Variants in ZMYM2 observed in about 807,000 individuals in gnomAD.
ZMYM2 encodes zinc finger MYM-type protein 2.
ZMYM2 carries 56 observed loss-of-function variants against 162.8 expected under a neutral mutation model. That is an observed-to-expected ratio of 0.34 (90% confidence interval 0.28 to 0.43). ZMYM2 has a LOEUF of 0.43. Among genes scored for constraint, ZMYM2 ranks in the 20% least tolerant of loss-of-function variants. ZMYM2 has a pLI of 1.00. For synonymous variants in ZMYM2, 510 were observed against 541.6 expected (o/e 0.94, Z 0.81); for missense variants, 1,275 against 1,621.8 (o/e 0.79, Z 3.67).
the ZMYM2 span, among the ~76,000 whole-genome samples, chr13:19,934,945 T>G: frequency 6.6e-6 from 1 of 151,948 alleles, no homozygotes; most frequent in Admixed American, 6.6e-5. Flanking sequence ...TTTTGTATTT[T>G]TAGTAGAGAC....
In ZMYM2 at chr13:19,993,391, G is replaced by A; in HGVS notation, c.319G>A (p.Ala107Thr). The stretch of plus-strand genomic sequence containing the variant: ...AATTACTCCTTCCTCAAAAGAGTTG[G>A]CATCTCAGAAGGGAAGTGTAAGTGA... ...SKITPSSKEL[A>T]SQKGSVSETI... Residue 107 changes from alanine to threonine, a missense_variant, in exon 3 of 25, where the codon GCA becomes ACA. Coordinates refer to ENST00000610343, the MANE Select transcript of ZMYM2 (RefSeq NM_197968.4). 1 of 1,613,670 alleles carries A rather than the reference G, an allele frequency of 6.2e-7. No homozygotes were observed. Among genetic ancestry groups the A allele is most frequent in the Non-Finnish European group, 8.5e-7 (1 of 1,179,826 alleles).
chr13:20,060,310 C>G (rs563679323), intron 16 of ZMYM2, among the ~76,000 whole-genome samples: 2 of 152,260 alleles, frequency 1.3e-5, no homozygotes, highest in African/African-American at 4.8e-5. Flanking sequence ...TATGTTCATC[C>G]TCGAGAGTGA....
chr13:20,024,397 T>C (rs1465861146), intron 7 of ZMYM2: 1 of 209,524 alleles, frequency 4.8e-6, no homozygotes, highest in East Asian at 7.2e-5. Context: ...GTTTGAAGAA[T>C]GTTTCAAATA....
intron 2 of ZMYM2, among the ~76,000 whole-genome samples, chr13:19,965,675 C>T (rs1955688970): frequency 2.0e-5 from 3 of 151,830 alleles, no homozygotes; most frequent in African/African-American, 4.8e-5. Context: ...TTTATTTTAT[C>T]CTCCTGTTTA....
intron 9 of ZMYM2, among the ~76,000 whole-genome samples, chr13:20,029,198 G>GGTCT (rs964902250): frequency 6.6e-6 from 1 of 152,190 alleles, no homozygotes; most frequent in African/African-American, 2.4e-5. Flanking sequence ...GTCCGTTGAA[G>GGTCT]GTCTATTCCT....
chr13:19,960,081 G>C (rs1346120653), intron 2 of ZMYM2, 55 bp downstream of exon 2: 2 of 152,278 alleles, frequency 1.3e-5, no homozygotes, highest in African/African-American at 4.8e-5. Context: ...AGGTTGTAGG[G>C]GTTAAGCTAT....
intron 4 of ZMYM2, among the ~76,000 whole-genome samples, chr13:20,004,407 C>T (rs775426023): frequency 5.3e-5 from 8 of 152,134 alleles, no homozygotes; most frequent in African/African-American, 1.2e-4. Flanking sequence ...AGGTGCCTGC[C>T]ACCATGCCTG....
the ZMYM2 span, among the ~76,000 whole-genome samples, chr13:19,892,536 A>G: frequency 2.0e-5 from 3 of 151,710 alleles, no homozygotes; most frequent in Non-Finnish European, 4.4e-5. Context: ...TGGCCTTCCA[A>G]AATGCTGGGA....
At chr13:20,069,891 G>T (rs1956951868) in intron 21 of ZMYM2, among the ~76,000 whole-genome samples, 1 of 151,752 alleles carries the variant, frequency 6.6e-6, no homozygotes, top group Admixed American at 6.6e-5. Context: ...GGCAACTAAT[G>T]CCCTGGTATC....
At chr13:19,908,268 A>C in the ZMYM2 span, among the ~76,000 whole-genome samples, 1 of 152,156 alleles carries the variant, frequency 6.6e-6, no homozygotes, top group African/African-American at 2.4e-5. Context: ...AGCCTGGGTG[A>C]CAAAGTGAGA....
At chr13:19,939,615 T>C in the ZMYM2 span, among the ~76,000 whole-genome samples, 2 of 152,202 alleles carry the variant, frequency 1.3e-5, no homozygotes, top group East Asian at 3.8e-4. Flanking sequence ...TTTAGGATAC[T>C]TATGTAGCTC....
upstream of ZMYM2, among the ~76,000 whole-genome samples, chr13:19,954,805 A>C (rs1566139161): frequency 6.6e-6 from 1 of 151,600 alleles, no homozygotes; most frequent in Non-Finnish European, 1.5e-5. Context: ...CATTGTTAAA[A>C]TATTGTTGTT....
At position 20,079,345 on chromosome 13, in the gene ZMYM2, G is replaced by GAAAAAAAAAA. The variant is rs1957754259; in HGVS notation, c.3454-2670_3454-2669insAAAAAAAAAA. Among the ~76,000 whole-genome samples, 23 of 19,152 alleles carry GAAAAAAAAAA rather than the reference G, an allele frequency of 1.2e-3. 3 individuals are homozygous for GAAAAAAAAAA. Among genetic ancestry groups the GAAAAAAAAAA allele is most frequent in the Non-Finnish European group, 2.0e-3 (17 of 8,574 alleles). 12.6% of individuals were successfully genotyped at this position (19,152 alleles called of 152,430 possible). On this transcript the variant is annotated intron_variant, in intron 21 of 24. Coordinates refer to ENST00000610343, the MANE Select transcript of ZMYM2 (RefSeq NM_197968.4). Reference sequence around the variant, plus strand: ...AAAAAAAAAAAAAAAAAAAAAAAAGGATACTTAATGAATTCAAATCCCATA... The same window carrying GAAAAAAAAAA: ...AAAAAAAAAAAAAAAAAAAAAAAAGGAAAAAAAAAAATACTTAATGAATTCAAATCCCATA...
intron 14 of ZMYM2, among the ~76,000 whole-genome samples, chr13:20,058,030 C>T (rs1955941350): frequency 6.6e-6 from 1 of 152,256 alleles, no homozygotes; most frequent in Admixed American, 6.5e-5. Context: ...TGAGAGACTG[C>T]ATCTGTAGAA....
chr13:19,939,312 C>T, the ZMYM2 span, among the ~76,000 whole-genome samples: 1 of 151,924 alleles, frequency 6.6e-6, no homozygotes, highest in Non-Finnish European at 1.5e-5. Flanking sequence ...GTGTGAGCCA[C>T]CGCACCCAGC....
chr13:20,064,450 G>A lies in ZMYM2; in HGVS notation c.3038-1G>A, dbSNP rs2140850308. On this transcript the variant is annotated splice_acceptor_variant, in intron 18 of 24. Transcript: ENST00000610343. LOFTEE classifies it high-confidence loss of function. The stretch of plus-strand genomic sequence containing the variant: ...AATAAAAGTTCTGATTTGGTTGTCA[G>A]CTGCTGAGGAGCTTGATATGGAAAA... 1 of 1,587,380 alleles carries A rather than the reference G, an allele frequency of 6.3e-7. No homozygotes were observed. The highest frequency in any genetic ancestry group is 8.6e-7 in the Non-Finnish European group (1 of 1,166,084).
At chr13:20,043,494 G>A (rs1256004962) in intron 12 of ZMYM2, among the ~76,000 whole-genome samples, 1 of 152,166 alleles carries the variant, frequency 6.6e-6, no homozygotes, top group Non-Finnish European at 1.5e-5. Context: ...CTGTGCCTGT[G>A]GTTGCACTGG....
chr13:20,035,776 C>T (rs1030778698), intron 11 of ZMYM2, among the ~76,000 whole-genome samples: 1 of 152,038 alleles, frequency 6.6e-6, no homozygotes, highest in Non-Finnish European at 1.5e-5. Context: ...TCTTACTGCA[C>T]CTAGTTCTCT....
intron 3 of ZMYM2, 150 bp downstream of exon 3, chr13:19,994,069 A>C: frequency 1.0e-6 from 1 of 971,352 alleles, no homozygotes; most frequent in Non-Finnish European, 1.5e-6. Context: ...TTGGTATTTT[A>C]ATAAGAATTG....
Sources: allele counts gnomAD v4.1 joint callset (sites outside exome capture counted in the v4.1 genomes callset), GRCh38; gene constraint gnomAD v4.1.1; transcripts MANE v1.5; gene names NCBI Gene and HGNC (gene_info 2026-07-23, HGNC 2026-07-21).